PTPRD: variants seen among roughly 807,000 people sequenced by gnomAD.
The protein encoded by PTPRD is protein tyrosine phosphatase receptor type D.
A neutral mutation model predicts 214.5 loss-of-function variants in PTPRD; 34 were observed. That is an observed-to-expected ratio of 0.16 (90% CI 0.12 to 0.21). The LOEUF (loss-of-function observed/expected upper bound fraction) is 0.21, where lower values mean the gene tolerates loss of function less well. Among genes scored for constraint, PTPRD ranks in the 10% least tolerant of loss-of-function variants. The pLI is 1.00. For missense variants in PTPRD, 2,545 were observed against 2,398.7 expected, an observed-to-expected ratio of 1.06 and a Z score of -1.27; for synonymous variants, 1,128 against 845.7, an observed-to-expected ratio of 1.33 and a Z score of -5.79.
intron 2 of PTPRD, among the ~76,000 whole-genome samples, chr9:10,436,245 T>C (rs1470907397): frequency 6.6e-6 from 1 of 151,866 alleles, no homozygotes; most frequent in African/African-American, 2.4e-5. Flanking sequence ...CATTGATATA[T>C]GTGTATGAAT....
At chr9:9,816,762 T>A (rs1371486290) in intron 5 of PTPRD, among the ~76,000 whole-genome samples, 1 of 152,010 alleles carries the variant, frequency 6.6e-6, no homozygotes, top group African/African-American at 2.4e-5. Flanking sequence ...AAGTCATGCA[T>A]AAGGTGCATT....
At chr9:8,521,062 T>C (rs2097881727) in intron 20 of PTPRD, among the ~76,000 whole-genome samples, 1 of 152,144 alleles carries the variant, frequency 6.6e-6, no homozygotes, top group Non-Finnish European at 1.5e-5. Flanking sequence ...ATTCTGATGA[T>C]TATCTCTACA....
At chr9:8,610,655 T>C (rs1208668707) in intron 14 of PTPRD, among the ~76,000 whole-genome samples, 1 of 152,230 alleles carries the variant, frequency 6.6e-6, no homozygotes, top group Non-Finnish European at 1.5e-5. Flanking sequence ...CTCATAAATA[T>C]TCAGTTCAAT....
intron 11 of PTPRD, among the ~76,000 whole-genome samples, chr9:8,862,847 C>T: frequency 6.6e-6 from 1 of 151,818 alleles, no homozygotes; most frequent in East Asian, 1.9e-4. Context: ...CATATTCTCA[C>T]TCATAGGTGG....
intron 9 of PTPRD, among the ~76,000 whole-genome samples, chr9:9,354,911 T>C (rs2138531314): frequency 6.6e-6 from 1 of 151,696 alleles, no homozygotes; most frequent in East Asian, 1.9e-4. Flanking sequence ...AGTCCATGCC[T>C]GGCATTTTCA....
At chr9:10,560,636 A>C (rs1393350549) in intron 2 of PTPRD, among the ~76,000 whole-genome samples, 1 of 151,716 alleles carries the variant, frequency 6.6e-6, no homozygotes, top group Non-Finnish European at 1.5e-5. Flanking sequence ...AGTAAGAATA[A>C]GAGAATCTAC....
intron 3 of PTPRD, among the ~76,000 whole-genome samples, chr9:10,101,382 T>G (rs549051461): frequency 6.6e-6 from 1 of 151,714 alleles, no homozygotes; most frequent in Non-Finnish European, 1.5e-5. Flanking sequence ...GTCCTTTCAC[T>G]GCTAATATAG....
At chr9:10,224,397 T>G (rs917552899) in intron 3 of PTPRD, among the ~76,000 whole-genome samples, 2 of 152,066 alleles carry the variant, frequency 1.3e-5, no homozygotes, top group African/African-American at 4.8e-5. Flanking sequence ...TTAGGGTACA[T>G]GAGCACAATG....
chr9:8,714,341 C>T (rs1311503486), intron 12 of PTPRD, among the ~76,000 whole-genome samples: 5 of 151,644 alleles, frequency 3.3e-5, no homozygotes, highest in Non-Finnish European at 7.4e-5. Context: ...TGTTTTATAT[C>T]ACGGCCTCCT....
At chr9:9,359,208 A>T (rs2055029909) in intron 9 of PTPRD, among the ~76,000 whole-genome samples, 1 of 151,254 alleles carries the variant, frequency 6.6e-6, no homozygotes, top group Non-Finnish European at 1.5e-5. Context: ...ATCCAATTAG[A>T]AGGTAAGCTT....
At chr9:8,727,130 T>C (rs1274010678) in intron 12 of PTPRD, among the ~76,000 whole-genome samples, 1 of 152,198 alleles carries the variant, frequency 6.6e-6, no homozygotes, top group African/African-American at 2.4e-5. Flanking sequence ...TAAGAATTAG[T>C]TCACAAATAC....
At chr9:10,256,194 A>C (rs1324416970) in intron 3 of PTPRD, among the ~76,000 whole-genome samples, 1 of 152,196 alleles carries the variant, frequency 6.6e-6, no homozygotes, top group Non-Finnish European at 1.5e-5. Context: ...TGTATTCCAC[A>C]AAACCAGTCC....
At chr9:9,964,099 G>C (rs1026001660) in intron 4 of PTPRD, among the ~76,000 whole-genome samples, 1 of 152,234 alleles carries the variant, frequency 6.6e-6, no homozygotes. Flanking sequence ...GACAGACAAA[G>C]ACAGAGACAG....
intron 11 of PTPRD, among the ~76,000 whole-genome samples, chr9:8,770,594 C>G (rs938020551): frequency 6.6e-6 from 1 of 152,120 alleles, no homozygotes; most frequent in Non-Finnish European, 1.5e-5. Context: ...AATCCAAAAT[C>G]TTACACTTCA....
intron 2 of PTPRD, among the ~76,000 whole-genome samples, chr9:10,436,389 T>G (rs2154522060): frequency 6.6e-6 from 1 of 151,804 alleles, no homozygotes; most frequent in South Asian, 2.1e-4. Flanking sequence ...TGCCTTTCAC[T>G]CAAAGTTCAT....
intron 12 of PTPRD, among the ~76,000 whole-genome samples, chr9:8,667,150 C>T (rs1596442533): frequency 6.6e-6 from 1 of 152,188 alleles, no homozygotes; most frequent in South Asian, 2.1e-4. Context: ...ACCAGCCTGG[C>T]CAACATGGCG....
chr9:8,907,512 C>T (rs1449994342), intron 11 of PTPRD, among the ~76,000 whole-genome samples: 10 of 83,164 alleles, frequency 1.2e-4, no homozygotes, highest in East Asian at 4.4e-4. Flanking sequence ...AGTGAGACTC[C>T]GTCTCAAAAA....
At chr9:8,765,059 T>C (rs2094628133) in intron 11 of PTPRD, among the ~76,000 whole-genome samples, 1 of 152,172 alleles carries the variant, frequency 6.6e-6, no homozygotes, top group South Asian at 2.1e-4. Context: ...ATAAAATGAT[T>C]ATCTAGCTTC....
At chr9:9,083,972 A>C (rs1281352896) in intron 10 of PTPRD, among the ~76,000 whole-genome samples, 1 of 152,208 alleles carries the variant, frequency 6.6e-6, no homozygotes, top group African/African-American at 2.4e-5. Context: ...AAATTAGTTC[A>C]ACCATTGTGG....
Sources: gnomAD v4.1 joint callset for allele counts (sites outside exome capture counted in the v4.1 genomes callset) on GRCh38, gnomAD v4.1.1 for gene constraint, MANE v1.5 for transcripts, NCBI Gene and HGNC (gene_info 2026-07-23, HGNC 2026-07-21) for gene names.